The following SLC45A4 variants were observed in gnomAD, a reference collection of about 807,000 sequenced individuals.
SLC45A4 encodes polyamine-transporter SLC45A4.
In SLC45A4, 32 loss-of-function variants were observed where a neutral mutation model predicts 63.7. That is an observed-to-expected ratio of 0.50 (90% CI 0.38 to 0.67). The LOEUF is 0.67. Among genes scored for constraint, SLC45A4 ranks in the 30% least tolerant of loss-of-function variants. The pLI, the probability that SLC45A4 is intolerant of heterozygous loss-of-function variation, is 0.00. For synonymous variants in SLC45A4, 535 were observed against 510.0 expected (o/e 1.05, Z -0.66); for missense variants, 1,027 against 1,157.7 (o/e 0.89, Z 1.64).
At chr8:141,259,311 G>A (rs981274007) in intron 1 of SLC45A4, among the ~76,000 whole-genome samples, 1 of 152,334 alleles carries the variant, frequency 6.6e-6, no homozygotes, top group African/African-American at 2.4e-5. Flanking sequence ...TGCTGACCCA[G>A]CCCGCCAGTG....
At chr8:141,255,852 T>C (rs1283608024) in intron 1 of SLC45A4, among the ~76,000 whole-genome samples, 1 of 152,182 alleles carries the variant, frequency 6.6e-6, no homozygotes, top group African/African-American at 2.4e-5. Context: ...GCACCTGGAC[T>C]CCTGTGGTAT....
intron 1 of SLC45A4, among the ~76,000 whole-genome samples, chr8:141,277,952 G>C (rs1408648853): frequency 1.3e-5 from 2 of 152,140 alleles, no homozygotes; most frequent in Non-Finnish European, 2.9e-5. Flanking sequence ...ATGTGGTCCA[G>C]GCTAGAATGT....
At chr8:141,283,116 C>T (rs1478476841) in intron 1 of SLC45A4, among the ~76,000 whole-genome samples, 1 of 152,250 alleles carries the variant, frequency 6.6e-6, no homozygotes, top group East Asian at 1.9e-4. Context: ...TGATTTTCTG[C>T]ATCCAAAATT....
rs1258699900 is a variant in SLC45A4 at position 141,219,566 on chromosome 8, G to A, written c.610+84C>T. ...CCATGCAGCCTGATGAGGCAGCGCT[G>A]ACAACACAGGCTCCTGTCCCCTCCC... On this transcript the variant is annotated intron_variant, in intron 4 of 8. Coordinates refer to ENST00000517878, the MANE Select transcript of SLC45A4 (RefSeq NM_001286646.2). The A allele has an allele frequency of 3.4e-6, 5 of 1,467,816 alleles. No individual in the cohort carries two copies. The African/African-American group carries it at 5.6e-5, about 16-fold the overall frequency. 90.9% of individuals were successfully genotyped at this position (1,467,816 alleles called of 1,614,324 possible). A position where few individuals can be genotyped will look rare whatever the true frequency, so the allele number is the denominator to read the frequency against.
At chr8:141,266,250 A>G (rs1028691804) in intron 1 of SLC45A4, among the ~76,000 whole-genome samples, 1 of 152,180 alleles carries the variant, frequency 6.6e-6, no homozygotes, top group Non-Finnish European at 1.5e-5. Flanking sequence ...CACGAAGCGC[A>G]TGTACACGCA....
At chr8:141,299,877 T>C (rs1174216232) in intron 1 of SLC45A4, among the ~76,000 whole-genome samples, 1 of 152,216 alleles carries the variant, frequency 6.6e-6, no homozygotes, top group African/African-American at 2.4e-5. Flanking sequence ...TTTGCTGCTT[T>C]GGAGAAGGGA....
At chr8:141,220,134 C>G (rs1050256680) in intron 3 of SLC45A4, among the ~76,000 whole-genome samples, 7 of 152,206 alleles carry the variant, frequency 4.6e-5, no homozygotes, top group African/African-American at 9.6e-5. Flanking sequence ...CTTTCTACCC[C>G]GGCCATCAGA....
At chr8:141,295,513 A>G (rs541345312) in intron 1 of SLC45A4, among the ~76,000 whole-genome samples, 1 of 152,366 alleles carries the variant, frequency 6.6e-6, no homozygotes, top group East Asian at 1.9e-4. Context: ...AGCAGGGGAC[A>G]GGTATAAGGA....
At chr8:141,221,799 G>T in intron 2 of SLC45A4, 34 bp from the exon 3 acceptor site, 2 of 1,598,244 alleles carry the variant, frequency 1.3e-6, no homozygotes, top group East Asian at 4.5e-5. Flanking sequence ...GCACACGCAG[G>T]CACTGGCCGG....
chr8:141,231,466 T>C (rs1400148107), intron 2 of SLC45A4, among the ~76,000 whole-genome samples: 3 of 152,174 alleles, frequency 2.0e-5, no homozygotes, highest in African/African-American at 4.8e-5. Flanking sequence ...AGGTCACCAC[T>C]GGATGAAGAG....
intron 1 of SLC45A4, among the ~76,000 whole-genome samples, chr8:141,282,431 G>A (rs552043183): frequency 2.0e-5 from 3 of 152,282 alleles, no homozygotes; most frequent in Non-Finnish European, 4.4e-5. Flanking sequence ...GGGCGGCCCC[G>A]CCTCCACCAA....
chr8:141,292,514 CG>C (rs1340840629), intron 1 of SLC45A4, among the ~76,000 whole-genome samples: 3 of 152,238 alleles, frequency 2.0e-5, no homozygotes, highest in African/African-American at 7.2e-5. Context: ...CGGAAGGCTG[CG>C]GCCCGCTCCT....
chr8:141,219,604 G>T, intron 4 of SLC45A4, 46 bp downstream of exon 4: 1 of 1,562,446 alleles, frequency 6.4e-7, no homozygotes, highest in Non-Finnish European at 8.7e-7. Context: ...CACCAGGCCC[G>T]GGCACGTTGG....
In SLC45A4 at chr8:141,244,883, C is replaced by A. The variant is rs1208709461; in HGVS notation, c.241+9106G>T. ...CAGCCCTGTGCGATGGGAGACAGGG[C>A]CAGCACCAGGGCCCAGAAAACCTCT... On this transcript the variant is annotated intron_variant, in intron 2 of 8. Coordinates refer to ENST00000517878, the MANE Select transcript of SLC45A4 (RefSeq NM_001286646.2). Among the ~76,000 whole-genome samples the A allele has an allele frequency of 5.4e-5, 8 of 148,610 alleles. No homozygotes were observed. In the Admixed American group the frequency reaches 5.6e-4, roughly 10 times the overall value.
chr8:141,307,918 C>G (rs1413307829), intron 1 of SLC45A4, among the ~76,000 whole-genome samples, 178 bp downstream of exon 1: 2 of 105,270 alleles, frequency 1.9e-5, no homozygotes, highest in African/African-American at 7.4e-5. Context: ...CAGCGCAAGC[C>G]GGGTGGGGGC....
chr8:141,230,624 C>T (rs907685296), intron 2 of SLC45A4, among the ~76,000 whole-genome samples: 7 of 152,230 alleles, frequency 4.6e-5, no homozygotes, highest in Admixed American at 6.5e-5. Context: ...CTGCCTCTGC[C>T]GCCCGGCCTT....
intron 1 of SLC45A4, among the ~76,000 whole-genome samples, chr8:141,275,702 A>G (rs1371507408): frequency 6.6e-6 from 1 of 152,222 alleles, no homozygotes; most frequent in Non-Finnish European, 1.5e-5. Context: ...GATTGGTAAA[A>G]TAAAGCATGG....
chr8:141,243,433 A>G (rs1397051145), intron 2 of SLC45A4, among the ~76,000 whole-genome samples: 1 of 152,216 alleles, frequency 6.6e-6, no homozygotes, highest in Non-Finnish European at 1.5e-5. Flanking sequence ...AAACAAAACC[A>G]CTTGCCATCA....
chr8:141,304,473 C>T (rs1294377711), intron 1 of SLC45A4, among the ~76,000 whole-genome samples: 4 of 150,448 alleles, frequency 2.7e-5, no homozygotes, highest in Non-Finnish European at 4.4e-5. Flanking sequence ...GCAAAAGAAT[C>T]GCTTGAACCT....
Sources: allele counts gnomAD v4.1 joint callset (sites outside exome capture counted in the v4.1 genomes callset), GRCh38; gene constraint gnomAD v4.1.1; transcripts MANE v1.5; gene names NCBI Gene and HGNC (gene_info 2026-07-23, HGNC 2026-07-21).